The following CSMD3 variants were observed in gnomAD, a reference collection of about 807,000 sequenced individuals.
CSMD3 encodes CUB and Sushi multiple domains 3.
CSMD3 carries 177 observed loss-of-function variants against 435.2 expected under a neutral mutation model. The ratio of observed to expected loss-of-function variants is 0.41; its 90% CI spans 0.36 to 0.46. CSMD3 has a LOEUF of 0.46. CSMD3 is among the 20% of genes least tolerant of loss of function. The pLI, the probability that CSMD3 is intolerant of heterozygous loss-of-function variation, is 0.34. For synonymous variants in CSMD3, 1,656 were observed against 1,520.5 expected (o/e 1.09, Z -2.07); for missense variants, 4,265 against 4,504.6 (o/e 0.95, Z 1.52).
At chr8:112,937,463 G>A (rs984643706) in intron 9 of CSMD3, among the ~76,000 whole-genome samples, 6 of 149,894 alleles carry the variant, frequency 4.0e-5, no homozygotes, top group African/African-American at 1.5e-4. Flanking sequence ...CGATTATCCT[G>A]CCTCAGCCTC....
chr8:112,875,285 C>A (rs995238663), intron 10 of CSMD3, among the ~76,000 whole-genome samples: 3 of 152,126 alleles, frequency 2.0e-5, no homozygotes, highest in Non-Finnish European at 1.5e-5. Flanking sequence ...GCAGAGAGTT[C>A]CACCGTTAGT....
intron 31 of CSMD3, among the ~76,000 whole-genome samples, chr8:112,481,740 A>G (rs1819638795): frequency 6.6e-6 from 1 of 152,182 alleles, no homozygotes; most frequent in African/African-American, 2.4e-5. Flanking sequence ...CTAACCCTTA[A>G]AGTCTGTGAT....
At chr8:112,402,942 G>A (rs1202574629) in intron 35 of CSMD3, among the ~76,000 whole-genome samples, 1 of 152,044 alleles carries the variant, frequency 6.6e-6, no homozygotes, top group Non-Finnish European at 1.5e-5. Context: ...GTATTGTGTT[G>A]TATGTATTGT....
At chr8:112,633,244 C>T (rs186200667) in intron 22 of CSMD3, among the ~76,000 whole-genome samples, 1 of 152,078 alleles carries the variant, frequency 6.6e-6, no homozygotes, top group East Asian at 1.9e-4. Flanking sequence ...AGAGGACAAG[C>T]ATACGAAGTT....
intron 34 of CSMD3, 44 bp downstream of exon 34, chr8:112,408,274 T>C: frequency 8.3e-7 from 1 of 1,205,294 alleles, no homozygotes; most frequent in Non-Finnish European, 1.2e-6. Context: ...CATGGGAAAA[T>C]TATATCATTC....
chr8:113,230,078 A>G (rs2093068409), intron 3 of CSMD3, among the ~76,000 whole-genome samples: 1 of 151,666 alleles, frequency 6.6e-6, no homozygotes, highest in Non-Finnish European at 1.5e-5. Flanking sequence ...TGTCTGAAAG[A>G]TGCTGAGATA....
intron 1 of CSMD3, among the ~76,000 whole-genome samples, chr8:113,342,683 A>C (rs2132854794): frequency 6.6e-6 from 1 of 152,246 alleles, no homozygotes; most frequent in Middle Eastern, 3.4e-3. Context: ...TTGGCAGCTG[A>C]GTCTTGCCAA....
In CSMD3 at chr8:113,019,138, T is replaced by C. The variant is rs1291446168; in HGVS notation, c.959A>G (p.Lys320Arg). The C allele has an allele frequency of 1.2e-6, 2 of 1,613,770 alleles. No homozygotes were observed. Among genetic ancestry groups the C allele is most frequent in the Non-Finnish European group, 1.7e-6 (2 of 1,179,722 alleles). Residue 320 changes from lysine to arginine, a missense_variant, in exon 6 of 71, where the codon AAA becomes AGA. Around this residue, in one of 3 missense-constraint regions of CSMD3, gnomAD observed 731 missense variants for 755.4 expected, o/e 0.97. Transcript: ENST00000297405. ...MNIPPPIISN[K>R]NWLRLHFVTD... is the part of the protein sequence containing the mutation. ...AACAAAATGCAGTCTGAGCCAGTTT[T>C]TGTTGCTGATAATTGGTGGTGGTAT...
chr8:113,124,322 C>T (rs1181639955), intron 4 of CSMD3, among the ~76,000 whole-genome samples: 3 of 151,886 alleles, frequency 2.0e-5, no homozygotes, highest in Non-Finnish European at 4.4e-5. Flanking sequence ...GTTTACATTA[C>T]TTATAGACTC....
Position 112,813,875 on chromosome 8 carries a change from G to A in CSMD3, c.1860-13601C>T, listed in dbSNP as rs149686738. The stretch of plus-strand genomic sequence containing the variant: ...CCTGTGGTTCTTCACCTGACCAACT[G>A]AATCCCACGTTGCCATCCTGGGACA... On this transcript the variant is annotated intron_variant, in intron 12 of 70. Coordinates refer to ENST00000297405, the MANE Select transcript of CSMD3 (RefSeq NM_198123.2). Among the ~76,000 whole-genome samples, 198 of 152,274 alleles carry A rather than the reference G, an allele frequency of 1.3e-3. 1 individual carries two copies. Among genetic ancestry groups the A allele is most frequent in the Non-Finnish European group, 1.9e-3 (131 of 68,034 alleles).
intron 5 of CSMD3, among the ~76,000 whole-genome samples, chr8:113,049,045 C>T (rs577492584): frequency 3.9e-5 from 6 of 152,140 alleles, no homozygotes; most frequent in Admixed American, 1.3e-4. Flanking sequence ...TCAAGACCAG[C>T]GTGGTCAACA....
At chr8:113,126,506 T>C (rs2091133834) in intron 4 of CSMD3, among the ~76,000 whole-genome samples, 2 of 151,980 alleles carry the variant, frequency 1.3e-5, no homozygotes, top group South Asian at 4.1e-4. Context: ...AAAGTTGATG[T>C]TAAAAGAATA....
intron 1 of CSMD3, among the ~76,000 whole-genome samples, chr8:113,365,726 T>G (rs1190056432): frequency 1.3e-5 from 2 of 152,046 alleles, no homozygotes; most frequent in African/African-American, 4.8e-5. Flanking sequence ...ATCTGACATA[T>G]ATGTGCCTGT....
intron 6 of CSMD3, among the ~76,000 whole-genome samples, chr8:112,985,487 C>T (rs1434637781): frequency 6.6e-6 from 1 of 152,016 alleles, no homozygotes; most frequent in Non-Finnish European, 1.5e-5. Context: ...AGAGAATGTT[C>T]TTGCTATAAT....
At chr8:112,672,765 G>A (rs193073528) in intron 16 of CSMD3, among the ~76,000 whole-genome samples, 5 of 152,200 alleles carry the variant, frequency 3.3e-5, no homozygotes, top group East Asian at 3.9e-4. Flanking sequence ...CCTGAAGAAC[G>A]TCTGTTATAA....
intron 45 of CSMD3, among the ~76,000 whole-genome samples, chr8:112,321,232 GA>G (rs1211828155): frequency 6.6e-6 from 1 of 152,112 alleles, no homozygotes; most frequent in Non-Finnish European, 1.5e-5. Context: ...CTGATAAAGA[GA>G]ATGAGACTCA....
intron 61 of CSMD3, among the ~76,000 whole-genome samples, chr8:112,256,912 G>A (rs943011162): frequency 6.6e-6 from 1 of 152,048 alleles, no homozygotes; most frequent in African/African-American, 2.4e-5. Context: ...ACAAGAGATC[G>A]ACCACAACAA....
At chr8:113,032,629 T>C (rs1252612686) in intron 5 of CSMD3, among the ~76,000 whole-genome samples, 5 of 151,606 alleles carry the variant, frequency 3.3e-5, no homozygotes, top group Non-Finnish European at 5.9e-5. Flanking sequence ...AAGTAAAGCA[T>C]AAAGGTTTGA....
At chr8:112,598,351 T>C (rs1391823400) in intron 22 of CSMD3, among the ~76,000 whole-genome samples, 2 of 151,278 alleles carry the variant, frequency 1.3e-5, no homozygotes, top group East Asian at 3.9e-4. Flanking sequence ...ACAAACCACT[T>C]CTCGAAGAAA....
Sources: gnomAD v4.1 joint callset for allele counts (sites outside exome capture counted in the v4.1 genomes callset) on GRCh38, gnomAD v4.1.1 for gene constraint, gnomAD v4.1.1 regional missense constraint, MANE v1.5 for transcripts, NCBI Gene and HGNC (gene_info 2026-07-23, HGNC 2026-07-21) for gene names.